The following FSTL4 variants were observed in gnomAD, a reference collection of about 807,000 sequenced individuals.
The protein encoded by FSTL4 is follistatin-related protein 4.
In FSTL4, 28 loss-of-function variants were observed where a neutral mutation model predicts 78.2. That is an observed-to-expected ratio of 0.36 (90% CI 0.27 to 0.49). The LOEUF is 0.49. FSTL4 is among the 20% of genes least tolerant of loss of function. The probability of loss-of-function intolerance (pLI) is 0.98; values close to 1 mark genes in which losing one functional copy is unlikely to be tolerated. For missense variants in FSTL4, 922 were observed against 1,084.9 expected, an observed-to-expected ratio of 0.85 and a Z score of 2.11; for synonymous variants, 422 against 440.5, an observed-to-expected ratio of 0.96 and a Z score of 0.53.
chr5:133,436,746 G>A (rs1019822751), intron 3 of FSTL4, among the ~76,000 whole-genome samples: 2 of 152,104 alleles, frequency 1.3e-5, no homozygotes, highest in Non-Finnish European at 2.9e-5. Context: ...AGAACCGGTT[G>A]TTAAACATTT....
the FSTL4 span, among the ~76,000 whole-genome samples, chr5:133,830,672 G>C: frequency 1.4e-3 from 206 of 152,302 alleles, no homozygotes; most frequent in Middle Eastern, 0.017. Flanking sequence ...GACAGAGCTG[G>C]CACCTGTGCT....
chr5:133,226,025 C>A, intron 8 of FSTL4: 1 of 412,944 alleles, frequency 2.4e-6, no homozygotes, highest in East Asian at 3.6e-5. Flanking sequence ...ATAAACATGT[C>A]AGACTTTGTA....
intron 3 of FSTL4, among the ~76,000 whole-genome samples, chr5:133,553,475 G>A (rs1759729292): frequency 6.6e-6 from 1 of 152,184 alleles, no homozygotes; most frequent in Non-Finnish European, 1.5e-5. Context: ...ACAAAGGAAT[G>A]AATATTTAGG....
At chr5:133,207,821 T>C (rs1244583095) in intron 14 of FSTL4, 1 of 152,158 alleles carries the variant, frequency 6.6e-6, no homozygotes, top group Non-Finnish European at 1.5e-5. Context: ...AATTTTTTTA[T>C]TTTATTTTTT....
intron 3 of FSTL4, among the ~76,000 whole-genome samples, chr5:133,410,392 T>C (rs1252822882): frequency 6.6e-6 from 1 of 152,216 alleles, no homozygotes; most frequent in East Asian, 1.9e-4. Context: ...GGACCAGATG[T>C]TGCTGCTCTC....
At position 133,199,975 on chromosome 5, in the gene FSTL4, T is replaced by A. The variant is rs1457560483; in HGVS notation, c.1827-178A>T. 6.6e-6 allele frequency among the ~76,000 whole-genome samples: 1 copy of A among 152,254 alleles called. No individual in the cohort carries two copies. The highest frequency in any genetic ancestry group is 6.5e-5 in the Admixed American group (1 of 15,284). ...GTCTTCATAAACAAATAATCTATGA[T>A]CTCAATCCAAACGCAGTGGAGTTAC... is the stretch of plus-strand genomic sequence containing the variant. On this transcript the variant is annotated intron_variant, in intron 15 of 15. Coordinates refer to ENST00000265342, the MANE Select transcript of FSTL4 (RefSeq NM_015082.2). The surrounding 1 kb of genome is among the most constrained non-coding windows in gnomAD (Gnocchi z 4.4).
the FSTL4 span, among the ~76,000 whole-genome samples, chr5:133,818,853 A>G: frequency 6.8e-6 from 1 of 147,458 alleles, no homozygotes; most frequent in East Asian, 2.0e-4. Context: ...CACTCATCTC[A>G]GACAAGGACT....
chr5:133,336,873 C>T (rs1754474540), intron 4 of FSTL4, among the ~76,000 whole-genome samples: 2 of 152,200 alleles, frequency 1.3e-5, no homozygotes, highest in Non-Finnish European at 2.9e-5. Flanking sequence ...GCACCATTTC[C>T]ATGACCACAC....
rs141711946 is a variant in FSTL4 at position 133,520,589 on chromosome 5, T to C, written c.160+46597A>G. ...AGTGTGAAATTAGGGGGCTGGTGGG[T>C]TCCTGCTGTCAGCAAGTGTAATCTT... On this transcript the variant is annotated intron_variant, in intron 3 of 15. Transcript: ENST00000265342. Among the ~76,000 whole-genome samples the C allele has an allele frequency of 3.2e-3, 483 of 152,236 alleles. 2 individuals are homozygous for C. Among genetic ancestry groups the C allele is most frequent in the African/African-American group, 0.01 (432 of 41,524 alleles).
intron 4 of FSTL4, among the ~76,000 whole-genome samples, chr5:133,374,430 C>A (rs531038330): frequency 6.6e-6 from 1 of 152,082 alleles, no homozygotes; most frequent in African/African-American, 2.4e-5. Flanking sequence ...TTGAGCTGTG[C>A]AGATGAAATG....
At chr5:133,438,091 A>C (rs982057104) in intron 3 of FSTL4, among the ~76,000 whole-genome samples, 1 of 152,196 alleles carries the variant, frequency 6.6e-6, no homozygotes, top group South Asian at 2.1e-4. Flanking sequence ...TGATTCATTT[A>C]TCAGTTAGGT....
At chr5:133,675,271 C>A in the FSTL4 span, among the ~76,000 whole-genome samples, 1 of 152,196 alleles carries the variant, frequency 6.6e-6, no homozygotes, top group Non-Finnish European at 1.5e-5. Flanking sequence ...GAAATGGGAA[C>A]ACAGAGTAAC....
At chr5:133,822,574 T>A in the FSTL4 span, among the ~76,000 whole-genome samples, 1 of 151,666 alleles carries the variant, frequency 6.6e-6, no homozygotes, top group Non-Finnish European at 1.5e-5. Context: ...AAGGTGAGGG[T>A]GGAGCCGTGG....
chr5:133,362,608 G>C (rs1385021883), intron 4 of FSTL4, among the ~76,000 whole-genome samples: 1 of 152,244 alleles, frequency 6.6e-6, no homozygotes, highest in Non-Finnish European at 1.5e-5. Context: ...ATAGGTCTGG[G>C]GGCTGAGGCC....
In FSTL4 at chr5:133,440,676, A is replaced by G. The variant is rs1208284261; in HGVS notation, c.161-39690T>C. On this transcript the variant is annotated intron_variant, in intron 3 of 15. Transcript: ENST00000265342. This position sits in a 1 kb window ranked among gnomAD's most constrained non-coding sequence, Gnocchi z 4.1. Reference sequence around the variant, plus strand: ...CCACTGGCAGAACACAACCTCTGAGAGGCCTGGGAATGTCCAAGCAGGGGG... The same window carrying G: ...CCACTGGCAGAACACAACCTCTGAGGGGCCTGGGAATGTCCAAGCAGGGGG... 2.6e-5 allele frequency among the ~76,000 whole-genome samples: 4 copies of G among 152,122 alleles called. No homozygotes were observed. Among genetic ancestry groups the G allele is most frequent in the African/African-American group, 9.7e-5 (4 of 41,416 alleles).
chr5:133,840,902 A>G, the FSTL4 span, among the ~76,000 whole-genome samples: 1 of 152,248 alleles, frequency 6.6e-6, no homozygotes, highest in Non-Finnish European at 1.5e-5. Context: ...TTTCTCTGCT[A>G]AGCACTTGCT....
At chr5:133,793,600 G>A in the FSTL4 span, among the ~76,000 whole-genome samples, 1 of 152,244 alleles carries the variant, frequency 6.6e-6, no homozygotes, top group African/African-American at 2.4e-5. Context: ...TCAGCCAGAA[G>A]CTACCTGACC....
the FSTL4 span, among the ~76,000 whole-genome samples, chr5:133,765,290 A>G: frequency 7.2e-5 from 11 of 152,254 alleles, no homozygotes; most frequent in African/African-American, 1.9e-4. Flanking sequence ...AGAGTTTTTC[A>G]TAGAAAATAT....
At chr5:133,403,246 CAA>C (rs1366441304) in intron 3 of FSTL4, among the ~76,000 whole-genome samples, 1 of 152,214 alleles carries the variant, frequency 6.6e-6, no homozygotes, top group Non-Finnish European at 1.5e-5. Flanking sequence ...TTTGAAGAAA[CAA>C]GAGGCAAAGT....
Sources: gnomAD v4.1 joint callset for allele counts (sites outside exome capture counted in the v4.1 genomes callset) on GRCh38, gnomAD v4.1.1 for gene constraint, Gnocchi (gnomAD v3.1) non-coding constraint, MANE v1.5 for transcripts, NCBI Gene and HGNC (gene_info 2026-07-23, HGNC 2026-07-21) for gene names.